The following TLK1 variants were observed in gnomAD, a reference collection of about 807,000 sequenced individuals.
The protein encoded by TLK1 is serine/threonine-protein kinase tousled-like 1.
TLK1 carries 24 observed loss-of-function variants against 105.3 expected under a neutral mutation model. The observed-to-expected ratio is 0.23, with a 90% CI of 0.17 to 0.32. TLK1 has a LOEUF of 0.32. Among genes scored for constraint, TLK1 ranks in the 10% least tolerant of loss-of-function variants. The pLI, the probability that TLK1 is intolerant of heterozygous loss-of-function variation, is 1.00. For missense variants in TLK1, 558 were observed against 910.5 expected, an observed-to-expected ratio of 0.61 and a Z score of 4.98; for synonymous variants, 321 against 310.4, an observed-to-expected ratio of 1.03 and a Z score of -0.36.
rs1692460711 is a variant in TLK1 at position 171,160,746 on chromosome 2, C to T, written c.-318G>A. 4.7e-6 allele frequency: 2 copies of T among 426,184 alleles called. No homozygotes were observed. Among genetic ancestry groups the T allele is most frequent in the Non-Finnish European group, 8.1e-6 (2 of 245,748 alleles). 26.4% of individuals were successfully genotyped at this position (426,184 alleles called of 1,614,324 possible). A position where few individuals can be genotyped will look rare whatever the true frequency, so the allele number is the denominator to read the frequency against. On this transcript the variant is annotated 5_prime_UTR_variant, in exon 1 of 21. Transcript: ENST00000431350. The surrounding 1 kb of genome is among the most constrained non-coding windows in gnomAD (Gnocchi z 4.4). ...GGTGCCAGCCGGGCCGGGGTCGGAG[C>T]GCGGGCGGAGCGCGGGCTGCGCCGG...
chr2:171,104,925 TG>T, intron 2 of TLK1, among the ~76,000 whole-genome samples: 1 of 152,178 alleles, frequency 6.6e-6, no homozygotes, highest in East Asian at 1.9e-4. Context: ...ACAAAGGCAC[TG>T]GGAACATTAA....
At chr2:171,035,203 G>A (rs1002066354) in intron 11 of TLK1, among the ~76,000 whole-genome samples, 1 of 152,098 alleles carries the variant, frequency 6.6e-6, no homozygotes, top group Non-Finnish European at 1.5e-5. Context: ...TTAGCCAGGC[G>A]TGGTGGCAGG....
intron 10 of TLK1, among the ~76,000 whole-genome samples, chr2:171,047,762 T>G (rs1448223123): frequency 6.6e-6 from 1 of 152,172 alleles, no homozygotes; most frequent in Non-Finnish European, 1.5e-5. Context: ...GAATAGATAT[T>G]AATAGCTGAT....
chr2:171,051,063 T>C (rs1687215514), intron 8 of TLK1, among the ~76,000 whole-genome samples: 1 of 152,166 alleles, frequency 6.6e-6, no homozygotes, highest in African/African-American at 2.4e-5. Context: ...CCAACACAGT[T>C]GTTTTTCAAG....
intron 1 of TLK1, among the ~76,000 whole-genome samples, chr2:171,176,332 A>G (rs1692824255): frequency 6.6e-6 from 1 of 152,162 alleles, no homozygotes. Flanking sequence ...ATCTCTATGC[A>G]GATTAGTTCA....
intron 1 of TLK1, among the ~76,000 whole-genome samples, chr2:171,193,773 T>C (rs577383215): frequency 7.6e-6 from 1 of 131,922 alleles, no homozygotes; most frequent in South Asian, 2.4e-4. Context: ...TGGAATGCAG[T>C]GGCACAATCA....
In TLK1 at chr2:170,991,005, T is replaced by TGTTTA. The variant is rs372867908; in HGVS notation, c.*2774_*2775insTAAAC. 6.8e-6 allele frequency: 1 copy of TGTTTA among 147,012 alleles called. No individual in the cohort carries two copies. The highest frequency in any genetic ancestry group is 1.5e-5 in the Non-Finnish European group (1 of 66,598). The allele number at this position is 147,012 out of a possible 1,614,324, so 9.1% of individuals were successfully genotyped here. Reference sequence around the variant, plus strand: ...TTAGAAGGAGATGGTAGTGAGTGTTTAAAAAAAAAAAAAAGATTGAGTCTT... The same window carrying TGTTTA: ...TTAGAAGGAGATGGTAGTGAGTGTTTGTTTAAAAAAAAAAAAAAAGATTGAGTCTT... On this transcript the variant is annotated 3_prime_UTR_variant, in exon 21 of 21. Transcript: ENST00000431350.
rs77890745 is a variant in TLK1 at position 171,170,264 on chromosome 2, A to C, written c.-5-52407T>G. On this transcript the variant is annotated intron_variant, in intron 1 of 20. Transcript: ENST00000521943. ...AAGCTTGTAATAAATTAGAAAAAGC[A>C]TTATTACATTAAAATAGAATTCAAA... 3.7e-3 allele frequency among the ~76,000 whole-genome samples: 568 copies of C among 152,390 alleles called. 2 individuals are homozygous for C. Among genetic ancestry groups the C allele is most frequent in the Non-Finnish European group, 6.4e-3 (434 of 68,050 alleles).
intron 2 of TLK1, among the ~76,000 whole-genome samples, chr2:171,102,851 A>G (rs1010726962): frequency 1.3e-5 from 2 of 152,232 alleles, no homozygotes; most frequent in African/African-American, 4.8e-5. Context: ...ACTGAAGTCC[A>G]GTGCTCATGG....
At chr2:171,188,433 C>T (rs1333087542) in intron 1 of TLK1, among the ~76,000 whole-genome samples, 1 of 151,982 alleles carries the variant, frequency 6.6e-6, no homozygotes, top group Non-Finnish European at 1.5e-5. Context: ...AGGCCAAGCA[C>T]GGTGGTTCAC....
chr2:171,007,224 C>T (rs1246062097), intron 14 of TLK1, among the ~76,000 whole-genome samples, 161 bp from the exon 15 acceptor site: 1 of 151,990 alleles, frequency 6.6e-6, no homozygotes, highest in Non-Finnish European at 1.5e-5. Context: ...CTCAATGACA[C>T]TTTTATTATC....
Position 171,182,936 on chromosome 2 carries a change from AAAG to A in TLK1, c.-6+48206_-6+48208del, listed in dbSNP as rs1229989149. 5.9e-3 allele frequency among the ~76,000 whole-genome samples: 702 copies of A among 119,264 alleles called. 8 individuals carry two copies. The highest frequency in any genetic ancestry group is 0.028 in the African/African-American group (637 of 23,062). The allele number at this position is 119,264 out of a possible 152,430, so 78.2% of individuals were successfully genotyped here. A position where few individuals can be genotyped will look rare whatever the true frequency, so the allele number is the denominator to read the frequency against. ...AACCCTGACTCCAAAAAAAAAAAAA[AAAG>A]AAAGAAAGAAAGAAAGAAAGAAAGA... is the stretch of plus-strand genomic sequence containing the variant. On this transcript the variant is annotated intron_variant, in intron 1 of 20. Coordinates refer to the TLK1 transcript ENST00000521943.
At position 171,046,200 on chromosome 2, in the gene TLK1, G is replaced by C. The variant is rs779025014; in HGVS notation, c.1143C>G (p.Pro381=). The C allele has an allele frequency of 3.1e-6, 5 of 1,592,548 alleles. No homozygotes were observed. The African/African-American group carries it at 4.1e-5, about 13-fold the overall frequency. The change falls in exon 11 of 21, where the codon CCC becomes CCG. Residue 381 remains proline, a synonymous_variant. Coordinates refer to ENST00000431350, the MANE Select transcript of TLK1 (RefSeq NM_012290.5). ...NKAVNGAEND[P]FVRPNLPQLL... ...GTTGTGGTAAATTTGGTCTAACAAAGGGATCATTCTCTGCTCCATTGACTG... is the reference window on the plus strand; with the variant it reads ...GTTGTGGTAAATTTGGTCTAACAAACGGATCATTCTCTGCTCCATTGACTG...
intron 1 of TLK1, among the ~76,000 whole-genome samples, chr2:171,133,622 T>C (rs1214852235): frequency 6.6e-6 from 1 of 151,908 alleles, no homozygotes. Flanking sequence ...TAAGCTTTTT[T>C]AAAAAAAGAA....
chr2:171,033,400 A>G (rs963869251), intron 11 of TLK1, among the ~76,000 whole-genome samples: 1 of 152,002 alleles, frequency 6.6e-6, no homozygotes, highest in African/African-American at 2.4e-5. Flanking sequence ...AGAGAGTAGG[A>G]TGATGGTTAC....
chr2:171,159,940 CTGAG>C (rs1692393557), intron 1 of TLK1: 1 of 210,340 alleles, frequency 4.8e-6, no homozygotes, highest in Non-Finnish European at 9.3e-6. Context: ...GTTAAGAGTA[CTGAG>C]TGTACTGGCA....
intron 1 of TLK1, among the ~76,000 whole-genome samples, chr2:171,212,597 G>T (rs1423724164): frequency 6.6e-6 from 1 of 152,096 alleles, no homozygotes; most frequent in Non-Finnish European, 1.5e-5. Context: ...TTTAAAACTG[G>T]TTGTGTGACT....
intron 5 of TLK1, among the ~76,000 whole-genome samples, chr2:171,056,873 T>C (rs1687527752): frequency 6.6e-6 from 1 of 152,006 alleles, no homozygotes; most frequent in South Asian, 2.1e-4. Context: ...CATATTTTGT[T>C]TTCCCCCCAA....
At chr2:171,227,568 C>CTTTTTTTTTTTTTTTTTTTTTTTTTTTT (rs71401413) in intron 1 of TLK1, among the ~76,000 whole-genome samples, 1 of 55,500 alleles carries the variant, frequency 1.8e-5, no homozygotes, top group Non-Finnish European at 3.3e-5. Flanking sequence ...AGTAAATCTC[C>CTTTTTTTTTTTTTTTTTTTTTTTTTTTT]TTTTTTTTTT....
Sources: gnomAD v4.1 joint callset for allele counts (sites outside exome capture counted in the v4.1 genomes callset) on GRCh38, gnomAD v4.1.1 for gene constraint, Gnocchi (gnomAD v3.1) non-coding constraint, MANE v1.5 for transcripts, NCBI Gene and HGNC (gene_info 2026-07-23, HGNC 2026-07-21) for gene names.